Variants in ADAMTSL1 observed in about 807,000 individuals in gnomAD.
ADAMTSL1 encodes ADAMTS like 1.
A neutral mutation model predicts 201.8 loss-of-function variants in ADAMTSL1; 126 were observed. The ratio of observed to expected loss-of-function variants is 0.62; its 90% CI spans 0.54 to 0.72. ADAMTSL1 has a LOEUF of 0.72. ADAMTSL1 is among the 30% of genes least tolerant of loss of function. ADAMTSL1 has a pLI of 0.00. For synonymous variants in ADAMTSL1, 1,121 were observed against 903.4 expected (o/e 1.24, Z -4.32); for missense variants, 2,679 against 2,277.8 (o/e 1.18, Z -3.59).
chr9:18,515,844 A>G (rs911278459), intron 2 of ADAMTSL1, among the ~76,000 whole-genome samples: 5 of 152,122 alleles, frequency 3.3e-5, no homozygotes, highest in Admixed American at 3.3e-4. Context: ...GAACTAAGTG[A>G]TTTCTAACTT....
At chr9:18,719,244 T>C (rs1833173702) in intron 14 of ADAMTSL1, among the ~76,000 whole-genome samples, 1 of 152,222 alleles carries the variant, frequency 6.6e-6, no homozygotes, top group Non-Finnish European at 1.5e-5. Context: ...CCATGATATA[T>C]TTAAATTAAA....
At chr9:18,518,430 C>G (rs1166188299) in intron 2 of ADAMTSL1, among the ~76,000 whole-genome samples, 3 of 152,168 alleles carry the variant, frequency 2.0e-5, no homozygotes, top group African/African-American at 4.8e-5. Context: ...AGTTAATTCA[C>G]TTAGGATAAT....
rs1554643970 is a variant in ADAMTSL1, at chr9:18,828,694, A to AT, written c.4115-1149_4115-1148insT. ...TATATATATATATATATATATATAT[A>AT]AAATGTGTGTGTGTGTATATATATA... is the stretch of plus-strand genomic sequence containing the variant. On this transcript the variant is annotated intron_variant, in intron 22 of 28. Coordinates refer to ENST00000380548, the MANE Select transcript of ADAMTSL1 (RefSeq NM_001040272.6). 3.6e-3 allele frequency among the ~76,000 whole-genome samples: 185 copies of AT among 51,518 alleles called. 1 individual carries two copies. The highest frequency in any genetic ancestry group is 7.7e-3 in the African/African-American group (77 of 10,054). 33.8% of individuals were successfully genotyped at this position (51,518 alleles called of 152,430 possible). A position where few individuals can be genotyped will look rare whatever the true frequency, so the allele number is the denominator to read the frequency against.
At chr9:18,492,757 G>T (rs1407512203) in intron 1 of ADAMTSL1, among the ~76,000 whole-genome samples, 1 of 152,148 alleles carries the variant, frequency 6.6e-6, no homozygotes, top group Non-Finnish European at 1.5e-5. Flanking sequence ...TGTAGCTAGA[G>T]GTGTCTCAGA....
intron 1 of ADAMTSL1, among the ~76,000 whole-genome samples, chr9:18,101,506 A>AAAAAAGAAAAGCAAG (rs1461053908): frequency 2.4e-4 from 36 of 152,168 alleles, no homozygotes; most frequent in Middle Eastern, 3.4e-3. Context: ...TCAAAAAAAA[A>AAAAAAGAAAAGCAAG]AAAAAGAAAA....
chr9:17,917,926 A>G (rs1232584799), intron 1 of ADAMTSL1, among the ~76,000 whole-genome samples: 2 of 151,966 alleles, frequency 1.3e-5, no homozygotes, highest in Non-Finnish European at 2.9e-5. Context: ...CGTCAGTTTC[A>G]TCTAACTTGT....
In ADAMTSL1 at chr9:18,845,008, C is replaced by T. The variant is rs543251458; in HGVS notation, c.4249+15031C>T. On this transcript the variant is annotated intron_variant, in intron 23 of 28. Coordinates refer to ENST00000380548, the MANE Select transcript of ADAMTSL1 (RefSeq NM_001040272.6). ...GCGCTTCCCGAGTGAGGCAATGCCT[C>T]GCCCTGCTTCGGCTCATGCACGGTG... 1.8e-3 allele frequency among the ~76,000 whole-genome samples: 270 copies of T among 152,346 alleles called. 1 individual carries two copies. Among genetic ancestry groups the T allele is most frequent in the Middle Eastern group, 6.8e-3 (2 of 294 alleles).
At chr9:18,078,265 G>T (rs775567217) in intron 1 of ADAMTSL1, among the ~76,000 whole-genome samples, 2 of 152,086 alleles carry the variant, frequency 1.3e-5, no homozygotes, top group Non-Finnish European at 2.9e-5. Context: ...GCGCAGTGGG[G>T]AAAGTTTTCT....
intron 3 of ADAMTSL1, among the ~76,000 whole-genome samples, chr9:18,547,618 G>A (rs541478483): frequency 2.9e-5 from 4 of 136,400 alleles, no homozygotes; most frequent in East Asian, 2.0e-4. Context: ...TGTGAAGAGC[G>A]GCTGTATATA....
intron 2 of ADAMTSL1, among the ~76,000 whole-genome samples, chr9:18,380,694 A>T (rs551618928): frequency 1.3e-5 from 2 of 152,354 alleles, no homozygotes; most frequent in South Asian, 2.1e-4. Context: ...TGACTTGGTC[A>T]ATCTGGAGGG....
chr9:18,600,252 T>C (rs181519790), intron 4 of ADAMTSL1, among the ~76,000 whole-genome samples: 2 of 152,220 alleles, frequency 1.3e-5, no homozygotes, highest in East Asian at 3.9e-4. Context: ...ATGATAAGAA[T>C]AGAAAAACGA....
chr9:18,347,492 A>G lies in ADAMTSL1; in HGVS notation c.208-157337A>G, dbSNP rs796811089. Among the ~76,000 whole-genome samples, 139 of 152,300 alleles carry G rather than the reference A, an allele frequency of 9.1e-4. 1 individual carries two copies. Among genetic ancestry groups the G allele is most frequent in the African/African-American group, 2.8e-3 (115 of 41,584 alleles). On this transcript the variant is annotated intron_variant, in intron 2 of 29. Coordinates refer to the ADAMTSL1 transcript ENST00000680146. ...AAAACCTTATTATAAATAAAAGTAC[A>G]TATACACATAGGAGCAAAACCTCTT...
intron 1 of ADAMTSL1, among the ~76,000 whole-genome samples, chr9:18,154,036 T>G (rs368746115): frequency 3.8e-4 from 58 of 152,182 alleles, no homozygotes; most frequent in African/African-American, 1.3e-3. Flanking sequence ...AAAAGACTGT[T>G]ATTCTTCCTC....
chr9:18,027,651 G>A (rs1237292445), intron 1 of ADAMTSL1, among the ~76,000 whole-genome samples: 1 of 152,006 alleles, frequency 6.6e-6, no homozygotes, highest in Non-Finnish European at 1.5e-5. Flanking sequence ...GTTGATCTTA[G>A]AGTATGTTCC....
intron 2 of ADAMTSL1, among the ~76,000 whole-genome samples, chr9:18,357,748 T>G (rs1440462643): frequency 6.6e-6 from 1 of 152,172 alleles, no homozygotes; most frequent in Non-Finnish European, 1.5e-5. Context: ...ATTTCATTTG[T>G]TTTTCCATAA....
chr9:18,190,805 C>T (rs1416763506), intron 2 of ADAMTSL1, among the ~76,000 whole-genome samples: 1 of 152,146 alleles, frequency 6.6e-6, no homozygotes, highest in Non-Finnish European at 1.5e-5. Flanking sequence ...CATCAGTGTT[C>T]ATAAATTCCA....
intron 2 of ADAMTSL1, among the ~76,000 whole-genome samples, chr9:18,258,429 G>A (rs573095699): frequency 7.2e-5 from 11 of 152,332 alleles, no homozygotes; most frequent in African/African-American, 2.6e-4. Flanking sequence ...GAGAAAGGAG[G>A]ATGGGGAATG....
chr9:18,058,327 G>A (rs868514231), intron 1 of ADAMTSL1, among the ~76,000 whole-genome samples: 1 of 152,098 alleles, frequency 6.6e-6, no homozygotes, highest in South Asian at 2.1e-4. Context: ...CTAAATATAA[G>A]ATTTCTACCA....
intron 2 of ADAMTSL1, among the ~76,000 whole-genome samples, chr9:18,244,217 G>A (rs1222797066): frequency 6.6e-6 from 1 of 151,990 alleles, no homozygotes; most frequent in Non-Finnish European, 1.5e-5. Flanking sequence ...GGCAATGTTT[G>A]CCAAGAGTGT....
Sources: gnomAD v4.1 joint callset for allele counts (sites outside exome capture counted in the v4.1 genomes callset) on GRCh38, gnomAD v4.1.1 for gene constraint, MANE v1.5 for transcripts, NCBI Gene and HGNC (gene_info 2026-07-23, HGNC 2026-07-21) for gene names.